CADPS: variants seen among roughly 807,000 people sequenced by gnomAD.
The protein encoded by CADPS is calcium dependent secretion activator.
CADPS carries 57 observed loss-of-function variants against 167.3 expected under a neutral mutation model. The ratio of observed to expected loss-of-function variants is 0.34; its 90% CI spans 0.28 to 0.42. CADPS has a LOEUF of 0.42. Ranked by LOEUF, CADPS falls within the 20% of genes least tolerant of loss-of-function variation. The pLI, the probability that CADPS is intolerant of heterozygous loss-of-function variation, is 1.00. For missense variants in CADPS, 1,414 were observed against 1,738.1 expected, an observed-to-expected ratio of 0.81 and a Z score of 3.32; for synonymous variants, 676 against 635.3, an observed-to-expected ratio of 1.06 and a Z score of -0.96.
At position 62,585,188 on chromosome 3, in the gene CADPS, G is replaced by C; in HGVS notation, c.1574C>G (p.Ser525Cys). The C allele has an allele frequency of 1.2e-6, 2 of 1,613,494 alleles. No individual in the cohort carries two copies. The highest frequency in any genetic ancestry group is 1.7e-6 in the Non-Finnish European group (2 of 1,179,470). Residue 525 changes from serine to cysteine, a missense_variant, in exon 8 of 30, where the codon TCT (serine) becomes TGT (cysteine). Around this residue, in one of 6 missense-constraint regions of CADPS, gnomAD observed 157 missense variants for 229.4 expected, o/e 0.68. Transcript: ENST00000383710. ...RMDKPQNMKHSGYLWAIGKNV... is the reference protein window; with the variant it reads ...RMDKPQNMKHCGYLWAIGKNV... ...TAGTTGGGGAAGAAACACTTACCCAGAATGCTTCATGTTTTGAGGCTTATC... is the reference window on the plus strand; with the variant it reads ...TAGTTGGGGAAGAAACACTTACCCACAATGCTTCATGTTTTGAGGCTTATC...
chr3:62,807,691 C>A (rs1414995825), intron 1 of CADPS, among the ~76,000 whole-genome samples: 1 of 152,102 alleles, frequency 6.6e-6, no homozygotes, highest in Non-Finnish European at 1.5e-5. Flanking sequence ...ATATTTACTT[C>A]ATCTGCCAGT....
intron 6 of CADPS, among the ~76,000 whole-genome samples, chr3:62,627,308 ATC>A (rs962362424): frequency 1.3e-5 from 2 of 152,154 alleles, no homozygotes; most frequent in East Asian, 3.8e-4. Context: ...GAAAAAATAA[ATC>A]TCTCTTTTTA....
At chr3:62,613,487 G>A (rs1197522198) in intron 6 of CADPS, among the ~76,000 whole-genome samples, 1 of 152,094 alleles carries the variant, frequency 6.6e-6, no homozygotes, top group Non-Finnish European at 1.5e-5. Context: ...GGATTTCTCA[G>A]AGCCTTTATT....
intron 3 of CADPS, among the ~76,000 whole-genome samples, chr3:62,745,012 C>T (rs2081145339): frequency 6.6e-6 from 1 of 152,170 alleles, no homozygotes; most frequent in Admixed American, 6.5e-5. Flanking sequence ...TAAATATTGC[C>T]CTCTGGCCCT....
In CADPS at chr3:62,741,668, T is replaced by C. The variant is rs185449022; in HGVS notation, c.888+11773A>G. ...TATGACAAACCCACAGCCAACATCA[T>C]ACTGAACAGGCAAAAGCTGGAGGCA... On this transcript the variant is annotated intron_variant, in intron 3 of 29. Coordinates refer to ENST00000383710, the MANE Select transcript of CADPS (RefSeq NM_003716.4). Among the ~76,000 whole-genome samples, 247 of 152,274 alleles carry C rather than the reference T, an allele frequency of 1.6e-3. 1 individual carries two copies. Among genetic ancestry groups the C allele is most frequent in the Non-Finnish European group, 1.5e-3 (103 of 68,026 alleles).
intron 21 of CADPS, among the ~76,000 whole-genome samples, chr3:62,483,771 T>G (rs2062382503): frequency 6.6e-6 from 1 of 152,188 alleles, no homozygotes; most frequent in African/African-American, 2.4e-5. Context: ...GCTCTTAGTC[T>G]TAAACACTGC....
chr3:62,712,384 T>C (rs555193880), intron 3 of CADPS, among the ~76,000 whole-genome samples: 3 of 152,338 alleles, frequency 2.0e-5, no homozygotes, highest in Admixed American at 2.0e-4. Context: ...TTATTTTAAA[T>C]CCTTCCAATA....
chr3:62,669,545 C>G (rs940866725), intron 3 of CADPS, among the ~76,000 whole-genome samples: 2 of 152,204 alleles, frequency 1.3e-5, no homozygotes, highest in Non-Finnish European at 2.9e-5. Context: ...AAGCCTGTCT[C>G]TTGTGTGTCC....
At chr3:62,558,202 A>T (rs576507680) in intron 9 of CADPS, among the ~76,000 whole-genome samples, 1 of 152,346 alleles carries the variant, frequency 6.6e-6, no homozygotes, top group East Asian at 1.9e-4. Context: ...TGCCAGTCAC[A>T]GTAGAGCAAT....
chr3:62,726,599 C>T (rs2076792119), intron 3 of CADPS, among the ~76,000 whole-genome samples: 1 of 151,846 alleles, frequency 6.6e-6, no homozygotes, highest in Admixed American at 6.5e-5. Context: ...TCTTTAATTA[C>T]AGGAATCCAA....
intron 6 of CADPS, among the ~76,000 whole-genome samples, chr3:62,599,686 T>G (rs1169196857): frequency 2.1e-5 from 1 of 48,496 alleles, no homozygotes; most frequent in African/African-American, 9.6e-5. Context: ...CAATATTATA[T>G]AATATTATAA....
intron 16 of CADPS, among the ~76,000 whole-genome samples, chr3:62,515,334 C>T (rs1007429665): frequency 2.0e-5 from 3 of 150,864 alleles, no homozygotes; most frequent in African/African-American, 7.3e-5. Context: ...TAGCAGCCAA[C>T]AGGGTAACAA....
At chr3:62,597,258 A>G (rs747410317) in intron 6 of CADPS, among the ~76,000 whole-genome samples, 12 of 152,286 alleles carry the variant, frequency 7.9e-5, no homozygotes, top group African/African-American at 1.2e-4. Flanking sequence ...AGGCCTAAAG[A>G]TCACTTTGAG....
At chr3:62,474,746 G>A (rs544323863) in intron 23 of CADPS, among the ~76,000 whole-genome samples, 17 of 152,206 alleles carry the variant, frequency 1.1e-4, no homozygotes, top group African/African-American at 3.4e-4. Context: ...TCAAAACCTC[G>A]TGGTGGGGAA....
chr3:62,639,542 C>T (rs531749228), intron 6 of CADPS, among the ~76,000 whole-genome samples: 21 of 152,230 alleles, frequency 1.4e-4, no homozygotes, highest in African/African-American at 4.3e-4. Flanking sequence ...CTTCAAAGGT[C>T]GTATCTGTGT....
intron 1 of CADPS, among the ~76,000 whole-genome samples, chr3:62,793,776 C>T (rs555123308): frequency 1.3e-5 from 2 of 152,132 alleles, no homozygotes; most frequent in Non-Finnish European, 2.9e-5. Context: ...CGTGTGTGTA[C>T]GTGCGTGCAC....
intron 3 of CADPS, among the ~76,000 whole-genome samples, chr3:62,673,832 T>A (rs568948518): frequency 6.6e-6 from 1 of 152,166 alleles, no homozygotes; most frequent in Non-Finnish European, 1.5e-5. Context: ...GGAAATGAAA[T>A]GCCTTTTTGT....
intron 6 of CADPS, among the ~76,000 whole-genome samples, chr3:62,622,836 A>C (rs545355645): frequency 3.9e-4 from 59 of 152,310 alleles, no homozygotes; most frequent in Non-Finnish European, 7.4e-4. Context: ...CCTGCGCTAA[A>C]ATTCAGCCAC....
intron 3 of CADPS, among the ~76,000 whole-genome samples, chr3:62,724,820 T>C (rs1389598205): frequency 6.6e-6 from 1 of 152,194 alleles, no homozygotes; most frequent in Non-Finnish European, 1.5e-5. Flanking sequence ...AATCTGATCA[T>C]ACCTCTCCAC....
Sources: gnomAD v4.1 joint callset for allele counts (sites outside exome capture counted in the v4.1 genomes callset) on GRCh38, gnomAD v4.1.1 for gene constraint, gnomAD v4.1.1 regional missense constraint, MANE v1.5 for transcripts, NCBI Gene and HGNC (gene_info 2026-07-23, HGNC 2026-07-21) for gene names.